DDIAS: variants seen among roughly 807,000 people sequenced by gnomAD.
The protein encoded by DDIAS is DNA damage-induced apoptosis suppressor protein.
DDIAS carries 14 observed loss-of-function variants against 15.7 expected under a neutral mutation model. The observed-to-expected ratio is 0.89, with a 90% CI of 0.59 to 1.39. The LOEUF (loss-of-function observed/expected upper bound fraction) is 1.39, where lower values mean the gene tolerates loss of function less well. DDIAS is among the 40% of genes most tolerant of loss of function. The pLI is 0.00. For synonymous variants in DDIAS, 355 were observed against 395.9 expected, an observed-to-expected ratio of 0.90 and a Z score of 1.23; for missense variants, 1,035 against 1,130.9, an observed-to-expected ratio of 0.92 and a Z score of 1.22.
intron 1 of DDIAS, among the ~76,000 whole-genome samples, chr11:82,907,546 T>C (rs560974889): frequency 6.6e-6 from 1 of 152,374 alleles, no homozygotes; most frequent in Admixed American, 6.5e-5. Flanking sequence ...TCTTCATTCA[T>C]GCAATAAATT....
intron 4 of DDIAS, 142 bp from the exon 5 acceptor site, chr11:82,930,014 CA>C (rs1860949874): frequency 1.8e-6 from 1 of 554,230 alleles, no homozygotes; most frequent in Non-Finnish European, 3.1e-6. Context: ...CTAGAGAGAA[CA>C]AACTGCCTGG....
At chr11:82,912,849 C>A (rs535026700) in intron 1 of DDIAS, among the ~76,000 whole-genome samples, 1 of 152,088 alleles carries the variant, frequency 6.6e-6, no homozygotes, top group Non-Finnish European at 1.5e-5. Flanking sequence ...CACCTGAACA[C>A]CTAGAGGTCA....
intron 5 of DDIAS, among the ~76,000 whole-genome samples, chr11:82,931,191 A>T (rs1860977504): frequency 2.0e-5 from 3 of 152,188 alleles, no homozygotes; most frequent in Admixed American, 2.0e-4. Context: ...CTATTAATAA[A>T]TGCGGGAACT....
chr11:82,930,942 A>T (rs1197576422), intron 5 of DDIAS, among the ~76,000 whole-genome samples: 1 of 152,116 alleles, frequency 6.6e-6, no homozygotes, highest in African/African-American at 2.4e-5. Context: ...TTAAAATCGT[A>T]GACAGTCCTT....
rs561618895 is a variant in DDIAS at position 82,932,969 on chromosome 11, C to T, written c.1631C>T (p.Ser544Leu). The T allele has an allele frequency of 4.3e-6, 7 of 1,612,330 alleles. No homozygotes were observed. Among genetic ancestry groups the T allele is most frequent in the South Asian group, 1.1e-5 (1 of 91,008 alleles). ...LPNPYLSALS[S>L]SSKDLETIVT... Reference sequence around the variant, plus strand: ...AATCCTTACCTGTCAGCTCTGTCTTCATCTTCAAAAGATTTAGAAACAATA... The same window carrying T: ...AATCCTTACCTGTCAGCTCTGTCTTTATCTTCAAAAGATTTAGAAACAATA... Residue 544 changes from serine to leucine, a missense_variant, in exon 6 of 6, where the codon TCA becomes TTA. Transcript: ENST00000533655.
chr11:82,913,646 C>T, intron 2 of DDIAS: 3 of 396,016 alleles, frequency 7.6e-6, no homozygotes, highest in Middle Eastern at 3.7e-4. Flanking sequence ...TCTTTTTTTT[C>T]TCTTCAAGAT....
chr11:82,933,691 A>G lies in DDIAS; in HGVS notation c.2353A>G (p.Ile785Val). ...AATTTCAGGGTTCCACCAAACAAGA[A>G]TTCATGGGATAAACAGAGCTTTCAA... ...TPISGFHQTR[I>V]HGINRAFKKP... Residue 785 changes from isoleucine to valine, a missense_variant, in exon 6 of 6, where the codon ATT becomes GTT. Coordinates refer to ENST00000533655, the MANE Select transcript of DDIAS (RefSeq NM_145018.4). 3 of 1,614,094 alleles carry G rather than the reference A, an allele frequency of 1.9e-6. No individual in the cohort carries two copies. Among genetic ancestry groups the G allele is most frequent in the Non-Finnish European group, 2.5e-6 (3 of 1,179,996 alleles).
chr11:82,915,142 C>A (rs892918197), intron 3 of DDIAS, among the ~76,000 whole-genome samples: 1 of 152,106 alleles, frequency 6.6e-6, no homozygotes, highest in African/African-American at 2.4e-5. Context: ...CTGGGATATC[C>A]CTGGGAATAA....
At position 82,934,093 on chromosome 11, in the gene DDIAS, A is replaced by G; in HGVS notation, c.2755A>G (p.Lys919Glu). The G allele has an allele frequency of 6.2e-7, 1 of 1,608,448 alleles. No homozygotes were observed. Among genetic ancestry groups the G allele is most frequent in the Non-Finnish European group, 8.5e-7 (1 of 1,178,198 alleles). The change falls in exon 6 of 6, where the codon AAG (lysine) becomes GAG (glutamate). Residue 919 changes from lysine to glutamate, a missense_variant. Physicochemically the swap from Lys to Glu is moderately conservative, Grantham distance 56 (BLOSUM62 1). Transcript: ENST00000533655. ...RQGTNKGLIK[K>E]KLKNMLAAVV... ...AGGAACCAATAAAGGTTTAATTAAG[A>G]AGAAATTAAAGAATATGCTTGCAGC... is the stretch of plus-strand genomic sequence containing the variant.
At position 82,923,156 on chromosome 11, in the gene DDIAS, T is replaced by A. The variant is rs78875379; in HGVS notation, c.114-5621T>A. ...CTGTGGGTCCTCTTGGGATTCCTGG[T>A]TTGTTCTTGCAGTTGTTCTGGAGCT... On this transcript the variant is annotated intron_variant, in intron 3 of 5. Transcript: ENST00000533655. 1.8e-3 allele frequency among the ~76,000 whole-genome samples: 279 copies of A among 152,294 alleles called. 8 individuals are homozygous for A. In the East Asian group the frequency reaches 0.05, roughly 27 times the overall value.
At chr11:82,918,153 T>G (rs561056604) in intron 3 of DDIAS, among the ~76,000 whole-genome samples, 1 of 152,310 alleles carries the variant, frequency 6.6e-6, no homozygotes, top group East Asian at 1.9e-4. Context: ...TCCCAGCTAT[T>G]TGTTTTTATT....
intron 3 of DDIAS, among the ~76,000 whole-genome samples, chr11:82,915,561 T>C (rs1860615247): frequency 6.6e-6 from 1 of 152,224 alleles, no homozygotes; most frequent in South Asian, 2.1e-4. Context: ...TTCTAACTCA[T>C]ATCTAGACTC....
At chr11:82,912,787 AT>A (rs907294660) in intron 1 of DDIAS, among the ~76,000 whole-genome samples, 4 of 152,090 alleles carry the variant, frequency 2.6e-5, no homozygotes, top group African/African-American at 9.6e-5. Flanking sequence ...ACTAACCTTA[AT>A]TTTTGTTTCT....
At chr11:82,907,749 C>T (rs1313735449) in intron 1 of DDIAS, among the ~76,000 whole-genome samples, 1 of 152,164 alleles carries the variant, frequency 6.6e-6, no homozygotes, top group East Asian at 1.9e-4. Flanking sequence ...CTGTGTTGCC[C>T]ATGCTGGTCT....
At chr11:82,925,042 C>G (rs11824231) in intron 3 of DDIAS, among the ~76,000 whole-genome samples, 1 of 152,106 alleles carries the variant, frequency 6.6e-6, no homozygotes, top group Admixed American at 6.5e-5. Flanking sequence ...ATAACACGTA[C>G]TATCACAACA....
At chr11:82,927,720 T>C (rs1388927198) in intron 3 of DDIAS, among the ~76,000 whole-genome samples, 1 of 152,198 alleles carries the variant, frequency 6.6e-6, no homozygotes, top group African/African-American at 2.4e-5. Flanking sequence ...GAAATCAGAG[T>C]TATAATACAT....
At chr11:82,912,205 C>A (rs1265375347) in intron 1 of DDIAS, among the ~76,000 whole-genome samples, 1 of 152,152 alleles carries the variant, frequency 6.6e-6, no homozygotes, top group East Asian at 1.9e-4. Context: ...TTCTTTGAAG[C>A]CTTGAAGCCA....
intron 2 of DDIAS, chr11:82,913,895 A>G (rs1380449733): frequency 2.3e-6 from 1 of 425,950 alleles, no homozygotes; most frequent in African/African-American, 2.1e-5. Context: ...TATGTTTTAT[A>G]TACATCTTAT....
chr11:82,926,200 C>T (rs79796553), intron 3 of DDIAS, among the ~76,000 whole-genome samples: 19,807 of 150,938 alleles, frequency 0.13, 1,337 homozygotes, highest in Middle Eastern at 0.19. Context: ...AGCAATCCTC[C>T]CATCTCAGCT....
Sources: allele counts gnomAD v4.1 joint callset (sites outside exome capture counted in the v4.1 genomes callset), GRCh38; gene constraint gnomAD v4.1.1; transcripts MANE v1.5; gene names NCBI Gene and HGNC (gene_info 2026-07-23, HGNC 2026-07-21).